The following LDLRAD4 variants were observed in gnomAD, a reference collection of about 807,000 sequenced individuals.
The protein encoded by LDLRAD4 is low-density lipoprotein receptor class A domain-containing protein 4.
LDLRAD4 carries 5 observed loss-of-function variants against 17.0 expected under a neutral mutation model. The ratio of observed to expected loss-of-function variants is 0.29; its 90% confidence interval spans 0.15 to 0.62. The LOEUF is 0.62. Ranked by LOEUF, LDLRAD4 falls within the 20% of genes least tolerant of loss-of-function variation. The pLI is 0.84. For missense variants in LDLRAD4, 340 were observed against 424.7 expected, an observed-to-expected ratio of 0.80 and a Z score of 1.75; for synonymous variants, 168 against 171.8, an observed-to-expected ratio of 0.98 and a Z score of 0.17.
chr18:13,641,504 G>T (rs1193855528), intron 4 of LDLRAD4, among the ~76,000 whole-genome samples: 3 of 152,266 alleles, frequency 2.0e-5, no homozygotes, highest in Non-Finnish European at 4.4e-5. Flanking sequence ...GATAGTCCTT[G>T]CATTCAGGCA....
At chr18:13,556,760 T>G (rs2094488469) in intron 3 of LDLRAD4, among the ~76,000 whole-genome samples, 1 of 152,178 alleles carries the variant, frequency 6.6e-6, no homozygotes, top group African/African-American at 2.4e-5. Flanking sequence ...GTCCTTGTCC[T>G]TGTGCATCAT....
intron 3 of LDLRAD4, among the ~76,000 whole-genome samples, chr18:13,463,248 C>T (rs947546120): frequency 6.6e-6 from 1 of 152,170 alleles, no homozygotes; most frequent in Admixed American, 6.5e-5. Flanking sequence ...CTGCCAGGCT[C>T]CCTCCCTGTC....
At chr18:13,583,758 G>A (rs1028376665) in intron 3 of LDLRAD4, among the ~76,000 whole-genome samples, 11 of 152,084 alleles carry the variant, frequency 7.2e-5, no homozygotes, top group East Asian at 1.9e-4. Context: ...TTGAGTCACC[G>A]AGCCAGGGCG....
intron 1 of LDLRAD4, among the ~76,000 whole-genome samples, chr18:13,323,027 A>G (rs1568006640): frequency 6.6e-6 from 1 of 152,212 alleles, no homozygotes; most frequent in Non-Finnish European, 1.5e-5. Context: ...CTTCACAAAT[A>G]GTTACAAAAT....
At chr18:13,607,041 A>G (rs16940905) in intron 3 of LDLRAD4, among the ~76,000 whole-genome samples, 2,035 of 152,362 alleles carry the variant, frequency 0.013, 43 homozygotes, top group African/African-American at 0.046. Flanking sequence ...GTAAGTCATC[A>G]TCAGTCCACT....
In LDLRAD4 at chr18:13,291,834, A is replaced by G. The variant is rs562874055; in HGVS notation, c.-383+13646A>G. Among the ~76,000 whole-genome samples the G allele has an allele frequency of 8.5e-5, 13 of 152,312 alleles. No homozygotes were observed. The South Asian group carries it at 2.7e-3, about 32-fold the overall frequency. ...TTGAAGATTGTGCTTTTTTATGCTTAAGATTGACTGGGTATACCAAGCAGA... is the reference window on the plus strand; with the variant it reads ...TTGAAGATTGTGCTTTTTTATGCTTGAGATTGACTGGGTATACCAAGCAGA... On this transcript the variant is annotated intron_variant, in intron 1 of 5. Coordinates refer to ENST00000359446, the Ensembl canonical transcript of LDLRAD4.
intron 1 of LDLRAD4, among the ~76,000 whole-genome samples, chr18:13,259,543 C>G (rs1168801648): frequency 6.6e-6 from 1 of 152,146 alleles, no homozygotes; most frequent in Non-Finnish European, 1.5e-5. Flanking sequence ...GTCGGTAGCT[C>G]TTAGAGAAGT....
At chr18:13,636,958 C>T (rs957596126) in intron 4 of LDLRAD4, among the ~76,000 whole-genome samples, 3 of 151,016 alleles carry the variant, frequency 2.0e-5, no homozygotes, top group East Asian at 3.9e-4. Flanking sequence ...CCACTACACC[C>T]GACTAATTTT....
chr18:13,379,122 C>G (rs903097262), intron 1 of LDLRAD4, among the ~76,000 whole-genome samples: 5 of 152,216 alleles, frequency 3.3e-5, no homozygotes, highest in African/African-American at 1.2e-4. Context: ...GGCTCAGGGG[C>G]TTTAAGTAAC....
intron 3 of LDLRAD4, among the ~76,000 whole-genome samples, chr18:13,530,139 C>G (rs997775979): frequency 6.6e-6 from 1 of 152,202 alleles, no homozygotes; most frequent in Non-Finnish European, 1.5e-5. Flanking sequence ...GTGCTTCCAG[C>G]CATGTGTCTC....
chr18:13,422,784 A>G (rs994356620), intron 2 of LDLRAD4, among the ~76,000 whole-genome samples: 6 of 152,254 alleles, frequency 3.9e-5, no homozygotes, highest in Non-Finnish European at 5.9e-5. Context: ...CTCCAGCAAC[A>G]GATCTGTTTT....
intron 3 of LDLRAD4, among the ~76,000 whole-genome samples, chr18:13,581,345 T>C (rs1450683060): frequency 2.6e-5 from 4 of 152,238 alleles, no homozygotes; most frequent in Non-Finnish European, 4.4e-5. Context: ...TAGTTGTTTT[T>C]TTCTTATCCT....
At chr18:13,540,600 C>T (rs1195765952) in intron 3 of LDLRAD4, among the ~76,000 whole-genome samples, 3 of 152,026 alleles carry the variant, frequency 2.0e-5, no homozygotes, top group East Asian at 1.9e-4. Flanking sequence ...CGTGGGGGTT[C>T]GTCAGTGGTT....
Position 13,544,540 on chromosome 18 carries a change from G to A in LDLRAD4, c.182-76577G>A, listed in dbSNP as rs73954857. Among the ~76,000 whole-genome samples the A allele has an allele frequency of 7.2e-3, 1,093 of 152,340 alleles. 13 individuals carry two copies. Among genetic ancestry groups the A allele is most frequent in the African/African-American group, 0.024 (1,008 of 41,566 alleles). On this transcript the variant is annotated intron_variant, in intron 3 of 5. Coordinates refer to ENST00000359446, the Ensembl canonical transcript of LDLRAD4. ...GGCCCAGGACTGGCTCACCTTGAGT[G>A]GCTCCTGGTACAGTGACTGCTGTGG...
intron 1 of LDLRAD4, among the ~76,000 whole-genome samples, chr18:13,298,747 C>T (rs1029103216): frequency 3.3e-5 from 5 of 152,226 alleles, no homozygotes; most frequent in Admixed American, 1.3e-4. Context: ...TCACTTGATG[C>T]GGACAGGACG....
At chr18:13,232,748 C>T (rs560714921) in intron 1 of LDLRAD4, among the ~76,000 whole-genome samples, 6 of 152,240 alleles carry the variant, frequency 3.9e-5, no homozygotes, top group Non-Finnish European at 8.8e-5. Context: ...GGCTTCGCAG[C>T]TTCCTGCTCT....
intron 3 of LDLRAD4, among the ~76,000 whole-genome samples, chr18:13,598,831 T>C (rs2095125635): frequency 6.6e-6 from 1 of 152,232 alleles, no homozygotes; most frequent in Non-Finnish European, 1.5e-5. Context: ...ATTAGCTCAC[T>C]TCTCTGAGTG....
At chr18:13,627,934 G>T (rs1286189875) in intron 4 of LDLRAD4, among the ~76,000 whole-genome samples, 1 of 152,212 alleles carries the variant, frequency 6.6e-6, no homozygotes, top group Non-Finnish European at 1.5e-5. Context: ...ACCTCTGGGT[G>T]TGCCATATGT....
intron 3 of LDLRAD4, among the ~76,000 whole-genome samples, chr18:13,529,996 G>A (rs2094103029): frequency 6.6e-6 from 1 of 152,158 alleles, no homozygotes; most frequent in African/African-American, 2.4e-5. Context: ...ATAATTTGAG[G>A]TGACTAGGTG....
Sources: gnomAD v4.1 joint callset for allele counts (sites outside exome capture counted in the v4.1 genomes callset) on GRCh38, gnomAD v4.1.1 for gene constraint, MANE v1.5 for transcripts, NCBI Gene and HGNC (gene_info 2026-07-23, HGNC 2026-07-21) for gene names.